Variants in PEX7 observed in about 807,000 individuals in gnomAD.
The protein encoded by PEX7 is peroxisomal biogenesis factor 7.
PEX7 carries 34 observed loss-of-function variants against 47.5 expected under a neutral mutation model. The ratio of observed to expected loss-of-function variants is 0.72; its 90% CI spans 0.54 to 0.95. The LOEUF (loss-of-function observed/expected upper bound fraction) is 0.95, where lower values mean the gene tolerates loss of function less well. Among genes scored for constraint, PEX7 ranks in the 40% least tolerant of loss-of-function variants. PEX7 has a pLI of 0.00. For synonymous variants in PEX7, 141 were observed against 148.8 expected, an observed-to-expected ratio of 0.95 and a Z score of 0.38; for missense variants, 394 against 400.3, an observed-to-expected ratio of 0.98 and a Z score of 0.13.
chr6:136,832,207 C>T lies in PEX7; in HGVS notation c.339+5738C>T, dbSNP rs558601427. ...GTCTTCTGTGTACCCACAGACCCAA[C>T]ACCACATGGAAGCTGCCAAGGTTTA... On this transcript the variant is annotated intron_variant, in intron 3 of 9. Transcript: ENST00000318471. Among the ~76,000 whole-genome samples the T allele has an allele frequency of 6.6e-4, 101 of 152,392 alleles. 1 individual carries two copies. Among genetic ancestry groups the T allele is most frequent in the African/African-American group, 2.3e-3 (96 of 41,600 alleles).
chr6:136,830,054 C>T (rs1328127489), intron 3 of PEX7: 4 of 712,148 alleles, frequency 5.6e-6, no homozygotes, highest in African/African-American at 5.3e-5. Context: ...ACTAATGGGT[C>T]ATTTTCTTCT....
At chr6:136,868,317 C>T (rs562781247) in intron 6 of PEX7, among the ~76,000 whole-genome samples, 1 of 152,156 alleles carries the variant, frequency 6.6e-6, no homozygotes, top group Non-Finnish European at 1.5e-5. Context: ...GGTCTGTTGA[C>T]CGTGACAAAT....
chr6:136,830,506 C>T (rs867494484), intron 3 of PEX7, among the ~76,000 whole-genome samples: 9 of 152,118 alleles, frequency 5.9e-5, no homozygotes, highest in African/African-American at 2.2e-4. Context: ...AACCTAGCAT[C>T]GAAGTAGGAA....
chr6:136,877,697 TG>T (rs1775300719), intron 8 of PEX7, among the ~76,000 whole-genome samples: 1 of 152,238 alleles, frequency 6.6e-6, no homozygotes, highest in Non-Finnish European at 1.5e-5. Flanking sequence ...ACCAGTACCA[TG>T]CTGTTTTGAT....
intron 7 of PEX7, 71 bp from the exon 8 acceptor site, chr6:136,872,127 G>C: frequency 8.1e-7 from 1 of 1,240,132 alleles, no homozygotes; most frequent in Admixed American, 1.9e-5. Flanking sequence ...TTTATGGAAT[G>C]ATCATAGAAA....
chr6:136,846,239 T>A, intron 5 of PEX7, 58 bp downstream of exon 5: 1 of 991,756 alleles, frequency 1.0e-6, no homozygotes, highest in Non-Finnish European at 1.6e-6. Context: ...GCCTTGTTTT[T>A]ACCATTAGGT....
At chr6:136,888,013 T>C (rs1327917614) in intron 8 of PEX7, among the ~76,000 whole-genome samples, 2 of 152,102 alleles carry the variant, frequency 1.3e-5, no homozygotes, top group African/African-American at 2.4e-5. Flanking sequence ...GCTGATGGGC[T>C]TTTTTGATCC....
chr6:136,868,384 A>ACATT (rs1775112337), intron 6 of PEX7, among the ~76,000 whole-genome samples: 1 of 152,228 alleles, frequency 6.6e-6, no homozygotes, highest in Non-Finnish European at 1.5e-5. Context: ...AGTTAAAAGA[A>ACATT]CATTGTATTG....
At position 136,913,465 on chromosome 6, in the gene PEX7, A is replaced by G; in HGVS notation, c.911A>G (p.Asp304Gly). 1 of 1,610,936 alleles carries G rather than the reference A, an allele frequency of 6.2e-7. No individual in the cohort carries two copies. The highest frequency in any genetic ancestry group is 1.3e-5 in the African/African-American group (1 of 74,936). ...FSLQSPTQVA[D>G]CSWDETIKIY... is the part of the protein sequence containing the mutation. ...TTCATTTTTGTTTTCTAGGTGGCTG[A>G]CTGTTCTTGGGATGAAACAATAAAG... is the stretch of plus-strand genomic sequence containing the variant. Residue 304 changes from aspartate (D) to glycine (G), a missense_variant, in exon 10 of 10, where the codon GAC (aspartate) becomes GGC (glycine). Transcript: ENST00000318471.
intron 1 of PEX7, 67 bp downstream of exon 1, chr6:136,822,862 T>G: frequency 4.9e-6 from 6 of 1,223,338 alleles, no homozygotes; most frequent in East Asian, 3.5e-5. Context: ...CGGGCTCCAG[T>G]TCCTCGCGCT....
Position 136,872,369 on chromosome 6 carries a change from G to A in PEX7, c.803+116G>A, listed in dbSNP as rs1234668229. Reference sequence around the variant, plus strand: ...CTAACATGAAAATAATCTGAGATGGGTACATTTAAATATTTACTAGGATTA... The same window carrying A: ...CTAACATGAAAATAATCTGAGATGGATACATTTAAATATTTACTAGGATTA... On this transcript the variant is annotated intron_variant, in intron 8 of 9. Transcript: ENST00000318471. The A allele has an allele frequency of 5.1e-6, 4 of 780,422 alleles. No individual in the cohort carries two copies. In the South Asian group the frequency reaches 6.4e-5, roughly 13 times the overall value. 48.3% of individuals were successfully genotyped at this position (780,422 alleles called of 1,614,324 possible). A position where few individuals can be genotyped will look rare whatever the true frequency, so the allele number is the denominator to read the frequency against.
At chr6:136,886,915 G>A (rs1775476318) in intron 8 of PEX7, among the ~76,000 whole-genome samples, 1 of 152,074 alleles carries the variant, frequency 6.6e-6, no homozygotes, top group Admixed American at 6.6e-5. Context: ...GCCAGGTATG[G>A]TGGCACATAC....
chr6:136,858,736 A>G (rs976161615), intron 5 of PEX7, among the ~76,000 whole-genome samples: 2 of 151,932 alleles, frequency 1.3e-5, no homozygotes, highest in Non-Finnish European at 2.9e-5. Context: ...AATATACTCA[A>G]CTCTTTTTTT....
At chr6:136,829,421 A>G (rs1260595787) in intron 3 of PEX7, among the ~76,000 whole-genome samples, 1 of 152,158 alleles carries the variant, frequency 6.6e-6, no homozygotes, top group African/African-American at 2.4e-5. Context: ...AATCCCTTTT[A>G]TAAGAGCACT....
rs543328604 is a variant in PEX7 at position 136,905,422 on chromosome 6, C to G, written c.903+7181C>G. Among the ~76,000 whole-genome samples, 338 of 151,568 alleles carry G rather than the reference C, an allele frequency of 2.2e-3. 1 individual carries two copies. The highest frequency in any genetic ancestry group is 8.0e-3 in the African/African-American group (329 of 41,276). ...CTAGAATTAGTAAATTGACCTCTTG[C>G]TTTTAGTTTCTCAGAATCTACACTC... is the stretch of plus-strand genomic sequence containing the variant. On this transcript the variant is annotated intron_variant, in intron 9 of 9. Coordinates refer to ENST00000318471, the MANE Select transcript of PEX7 (RefSeq NM_000288.4).
intron 3 of PEX7, among the ~76,000 whole-genome samples, chr6:136,828,361 T>C (rs1265579106): frequency 6.6e-6 from 1 of 152,236 alleles, no homozygotes; most frequent in Non-Finnish European, 1.5e-5. Flanking sequence ...CAGTCTTTAC[T>C]TCCTGTCAGT....
intron 5 of PEX7, among the ~76,000 whole-genome samples, chr6:136,850,943 T>C (rs989597611): frequency 6.9e-6 from 1 of 144,774 alleles, no homozygotes; most frequent in Non-Finnish European, 1.5e-5. Context: ...TTTTTTGCAT[T>C]GTCTAAAGAT....
chr6:136,822,651 G>A lies in PEX7; in HGVS notation c.-15G>A, dbSNP rs915595140. The A allele has an allele frequency of 1.6e-5, 25 of 1,526,142 alleles. No individual in the cohort carries two copies. Among genetic ancestry groups the A allele is most frequent in the Admixed American group, 2.0e-5 (1 of 50,592 alleles). The allele number at this position is 1,526,142 out of a possible 1,614,324, so 94.5% of individuals were successfully genotyped here. On this transcript the variant is annotated 5_prime_UTR_variant, in exon 1 of 10. Transcript: ENST00000318471. ...TCCGCGGCCGGGGCAGCGAGGGCCG[G>A]GGGCGGCGGGCGGGATGAGTGCGGT...
intron 9 of PEX7, among the ~76,000 whole-genome samples, chr6:136,907,229 C>T (rs931497902): frequency 1.3e-5 from 2 of 152,164 alleles, no homozygotes; most frequent in Non-Finnish European, 2.9e-5. Flanking sequence ...GGATTAATGT[C>T]AACCACCTGA....
Sources: allele counts gnomAD v4.1 joint callset (sites outside exome capture counted in the v4.1 genomes callset), GRCh38; gene constraint gnomAD v4.1.1; transcripts MANE v1.5; gene names NCBI Gene and HGNC (gene_info 2026-07-23, HGNC 2026-07-21).